The following EBF1 variants were observed in gnomAD, a reference collection of about 807,000 sequenced individuals.
EBF1 encodes the protein transcription factor COE1.
Under a neutral mutation model 68.4 loss-of-function variants are expected in EBF1, and 10 were observed. The ratio of observed to expected loss-of-function variants is 0.15; its 90% CI spans 0.09 to 0.25. The LOEUF is 0.25. Among genes scored for constraint, EBF1 ranks in the 10% least tolerant of loss-of-function variants. The pLI is 1.00. For synonymous variants in EBF1, 298 were observed against 299.8 expected (o/e 0.99, Z 0.06); for missense variants, 509 against 794.4 (o/e 0.64, Z 4.32).
intron 11 of EBF1, among the ~76,000 whole-genome samples, chr5:158,718,897 CATAGCTAGACTGCAGACTTT>C (rs1761326387): frequency 6.6e-6 from 1 of 152,132 alleles, no homozygotes; most frequent in South Asian, 2.1e-4. Context: ...CATCATTCTC[CATAGCTAGACTGCAGACTTT>C]TTGAGGCCAG....
intron 6 of EBF1, among the ~76,000 whole-genome samples, chr5:159,054,006 G>A (rs559243368): frequency 1.3e-5 from 2 of 152,372 alleles, no homozygotes; most frequent in Admixed American, 1.3e-4. Context: ...CATGAGGCCA[G>A]TGACCCCTTG....
At chr5:159,086,236 A>G (rs767865367) in intron 4 of EBF1, among the ~76,000 whole-genome samples, 1 of 152,126 alleles carries the variant, frequency 6.6e-6, no homozygotes, top group Non-Finnish European at 1.5e-5. Context: ...TTTCTGAATC[A>G]TTTATTAAGT....
intron 11 of EBF1, among the ~76,000 whole-genome samples, chr5:158,728,680 C>T (rs755071867): frequency 3.3e-5 from 5 of 152,198 alleles, no homozygotes; most frequent in African/African-American, 1.2e-4. Flanking sequence ...CCTTCCACCT[C>T]AGCCTCCCAA....
chr5:158,714,245 T>C, intron 11 of EBF1, 63 bp from the exon 12 acceptor site: 2 of 1,580,188 alleles, frequency 1.3e-6, no homozygotes, highest in Non-Finnish European at 1.7e-6. Context: ...TCTTTTGACA[T>C]GATCACATTC....
At chr5:158,901,154 C>A (rs978547978) in intron 6 of EBF1, among the ~76,000 whole-genome samples, 2 of 152,172 alleles carry the variant, frequency 1.3e-5, no homozygotes, top group African/African-American at 4.8e-5. Flanking sequence ...GGATGTTATT[C>A]TTGCTCTTTG....
chr5:158,941,273 C>T (rs1028758594), intron 6 of EBF1: 3 of 455,594 alleles, frequency 6.6e-6, no homozygotes, highest in East Asian at 6.9e-5. Flanking sequence ...AGACTGGAGA[C>T]GTTGAATCAG....
intron 6 of EBF1, among the ~76,000 whole-genome samples, chr5:159,069,898 A>G (rs1215633391): frequency 6.6e-6 from 1 of 152,204 alleles, no homozygotes; most frequent in Non-Finnish European, 1.5e-5. Flanking sequence ...AGGATATCCA[A>G]TGTGGTAATA....
chr5:159,001,987 G>C (rs1369947625), intron 6 of EBF1, among the ~76,000 whole-genome samples: 1 of 152,126 alleles, frequency 6.6e-6, no homozygotes, highest in Non-Finnish European at 1.5e-5. Context: ...GCTATGGTGG[G>C]TGCTCAGAGT....
At chr5:158,915,361 C>T (rs547145828) in intron 6 of EBF1, among the ~76,000 whole-genome samples, 1 of 152,300 alleles carries the variant, frequency 6.6e-6, no homozygotes, top group Admixed American at 6.5e-5. Context: ...CCAGCTGTTG[C>T]TGGAACAAAA....
chr5:158,703,571 G>T (rs1290317262), intron 15 of EBF1, among the ~76,000 whole-genome samples: 7 of 147,806 alleles, frequency 4.7e-5, no homozygotes, highest in African/African-American at 1.8e-4. Context: ...ATTTTGTGAG[G>T]CTCCAGAAGT....
chr5:158,761,349 T>G (rs1307985059), intron 10 of EBF1, among the ~76,000 whole-genome samples: 1 of 152,212 alleles, frequency 6.6e-6, no homozygotes. Flanking sequence ...TATTTCGATG[T>G]TAACATTAGC....
rs1024342597 is a variant in EBF1 at position 158,699,103 on chromosome 5, C to T, written c.*8G>A. 2 of 1,605,706 alleles carry T rather than the reference C, an allele frequency of 1.2e-6. No homozygotes were observed. Among genetic ancestry groups the T allele is most frequent in the South Asian group, 1.1e-5 (1 of 88,876 alleles). ...TCTTCATTAATACAATTCTTCAAGG[C>T]AATTCTTTCACATAGGAGGAACAAT... On this transcript the variant is annotated 3_prime_UTR_variant, in exon 16 of 16. Coordinates refer to ENST00000313708, the MANE Select transcript of EBF1 (RefSeq NM_024007.5).
chr5:158,943,301 A>T (rs1813878077), intron 6 of EBF1, among the ~76,000 whole-genome samples: 1 of 150,410 alleles, frequency 6.6e-6, no homozygotes, highest in Non-Finnish European at 1.5e-5. Flanking sequence ...ATAACCATTC[A>T]TTCACTTCAT....
At chr5:159,011,680 C>T (rs756842392) in intron 6 of EBF1, among the ~76,000 whole-genome samples, 43 of 152,094 alleles carry the variant, frequency 2.8e-4, no homozygotes, top group Non-Finnish European at 5.6e-4. Flanking sequence ...TTTGTTAGAA[C>T]CCCCCCTTCT....
chr5:159,048,540 G>A (rs535102988), intron 6 of EBF1, among the ~76,000 whole-genome samples: 9 of 152,300 alleles, frequency 5.9e-5, no homozygotes, highest in African/African-American at 2.2e-4. Flanking sequence ...GGCTCTAGGA[G>A]GCACATTTTA....
chr5:158,807,721 T>C (rs749749531), intron 8 of EBF1, among the ~76,000 whole-genome samples: 2 of 152,158 alleles, frequency 1.3e-5, no homozygotes, highest in African/African-American at 2.4e-5. Context: ...GATCTTTACG[T>C]CTTCTCCCAA....
At chr5:158,817,891 A>C (rs978160497) in intron 8 of EBF1, among the ~76,000 whole-genome samples, 1 of 152,202 alleles carries the variant, frequency 6.6e-6, no homozygotes, top group Non-Finnish European at 1.5e-5. Context: ...TTTCAAGTCC[A>C]CCTTATTGAC....
At chr5:158,882,029 A>G (rs183503569) in intron 6 of EBF1, among the ~76,000 whole-genome samples, 4 of 152,360 alleles carry the variant, frequency 2.6e-5, no homozygotes, top group Admixed American at 2.0e-4. Flanking sequence ...GGTAACAATG[A>G]ACATGCAATT....
intron 6 of EBF1, among the ~76,000 whole-genome samples, chr5:158,873,418 A>G (rs1365496491): frequency 6.6e-6 from 1 of 152,280 alleles, no homozygotes; most frequent in South Asian, 2.1e-4. Flanking sequence ...CTGAACTTCA[A>G]TCACTCATAA....
Sources: allele counts gnomAD v4.1 joint callset (sites outside exome capture counted in the v4.1 genomes callset), GRCh38; gene constraint gnomAD v4.1.1; transcripts MANE v1.5; gene names NCBI Gene and HGNC (gene_info 2026-07-23, HGNC 2026-07-21).